Variants in UNC80 observed in about 807,000 individuals in gnomAD.
The protein encoded by UNC80 is unc-80 subunit of NALCN channel complex, also known as protein unc-80 homolog.
Under a neutral mutation model 384.6 loss-of-function variants are expected in UNC80, and 164 were observed. That is an observed-to-expected ratio of 0.43 (90% confidence interval 0.38 to 0.49). The LOEUF (loss-of-function observed/expected upper bound fraction) is 0.49, where lower values mean the gene tolerates loss of function less well. Among genes scored for constraint, UNC80 ranks in the 20% least tolerant of loss-of-function variants. UNC80 has a pLI of 0.00. For synonymous variants in UNC80, 1,486 were observed against 1,527.8 expected (o/e 0.97, Z 0.64); for missense variants, 3,330 against 4,143.0 (o/e 0.80, Z 5.39).
At position 209,973,125 on chromosome 2, in the gene UNC80, C is replaced by T. The variant is rs980226845; in HGVS notation, c.8442C>T (p.Leu2814=). 1.4e-5 allele frequency: 22 copies of T among 1,551,562 alleles called. 1 individual carries two copies. In the East Asian group the frequency reaches 4.4e-4, roughly 31 times the overall value. ...TGCTGCAGACAGTCATCAATGTACT[C>T]CTCCCACCGCGGATCATCAGCACAT... ...QLLLQTVINV[L]LPPRIISTSR... is the part of the protein sequence containing the mutation. Residue 2814 remains leucine (L), a synonymous_variant, in exon 56 of 65, where the codon CTC becomes CTT. Coordinates refer to ENST00000673920, the MANE Select transcript of UNC80 (RefSeq NM_001371986.1).
rs573522549 is a variant in UNC80, at chr2:209,820,621, G to C, written c.2273G>C (p.Gly758Ala). Residue 758 changes from glycine to alanine, a missense_variant, in exon 13 of 65, where the codon GGA (glycine) becomes GCA (alanine). By Grantham distance (60) the Gly-to-Ala change is moderately conservative. Around this residue, in one of 8 missense-constraint regions of UNC80, gnomAD observed 937 missense variants for 1,026.8 expected, o/e 0.91. Coordinates refer to ENST00000673920, the MANE Select transcript of UNC80 (RefSeq NM_001371986.1). ...GDGGGGGGDG[G>A]GGGGGGGGPY... ...GGAGGAGGTGGAGGAGGTGATGGAG[G>C]AGGAGGTGGAGGAGGTGGAGGCGGC... is the stretch of plus-strand genomic sequence containing the variant. 3.5e-5 allele frequency: 54 copies of C among 1,550,580 alleles called. 1 individual carries two copies. The South Asian group carries it at 6.1e-4, about 17-fold the overall frequency.
chr2:209,789,335 A>ATC, intron 5 of UNC80, among the ~76,000 whole-genome samples, 197 bp from the exon 6 acceptor site: 1 of 152,328 alleles, frequency 6.6e-6, no homozygotes, highest in Non-Finnish European at 1.5e-5. Context: ...AGAGATGAAT[A>ATC]TCTACATCAA....
At chr2:209,825,440 C>T (rs1448971642) in intron 13 of UNC80, among the ~76,000 whole-genome samples, 1 of 152,046 alleles carries the variant, frequency 6.6e-6, no homozygotes, top group African/African-American at 2.4e-5. Flanking sequence ...AAATAAAAGC[C>T]CTCAAAAATG....
intron 25 of UNC80, among the ~76,000 whole-genome samples, chr2:209,881,397 A>G (rs2085277641): frequency 6.6e-6 from 1 of 152,168 alleles, no homozygotes; most frequent in Admixed American, 6.5e-5. Context: ...CTCTGAAAAT[A>G]TGAGGAGTTT....
At chr2:209,822,858 G>T (rs2080239863) in intron 13 of UNC80, among the ~76,000 whole-genome samples, 1 of 152,048 alleles carries the variant, frequency 6.6e-6, no homozygotes, top group African/African-American at 2.4e-5. Flanking sequence ...TGATCAGTAT[G>T]GGATTTTTAA....
intron 60 of UNC80, 73 bp downstream of exon 60, chr2:209,982,390 A>G (rs1314959874): frequency 1.4e-6 from 2 of 1,439,936 alleles, no homozygotes; most frequent in Non-Finnish European, 1.8e-6. Flanking sequence ...CACTCCTGTT[A>G]TTCTACAAAG....
intron 47 of UNC80, among the ~76,000 whole-genome samples, chr2:209,953,547 C>T (rs77017694): frequency 0.024 from 3,624 of 152,146 alleles, 170 homozygotes; most frequent in African/African-American, 0.083. Flanking sequence ...TTCTGGCACC[C>T]CAATACTAAA....
intron 21 of UNC80, among the ~76,000 whole-genome samples, chr2:209,843,286 G>T (rs1372751864): frequency 6.6e-6 from 1 of 152,132 alleles, no homozygotes; most frequent in Non-Finnish European, 1.5e-5. Context: ...TGAAGTATAT[G>T]AACACAATTT....
intron 25 of UNC80, among the ~76,000 whole-genome samples, chr2:209,883,426 C>CTTTTT (rs35807077): frequency 1.2e-4 from 12 of 100,530 alleles, no homozygotes; most frequent in Admixed American, 2.3e-4. Flanking sequence ...CCATTCCACT[C>CTTTTT]TTTTTTTTTT....
chr2:209,978,773 G>T, intron 59 of UNC80, 65 bp downstream of exon 59: 2 of 1,377,248 alleles, frequency 1.5e-6, no homozygotes, highest in South Asian at 1.7e-5. Flanking sequence ...GGCTTGGGAA[G>T]GATTACTGCC....
At chr2:209,954,322 A>G (rs1050838422) in intron 48 of UNC80, 52 bp downstream of exon 48, 10 of 571,018 alleles carry the variant, frequency 1.8e-5, no homozygotes, top group East Asian at 6.6e-5. Flanking sequence ...GTTTCCACTG[A>G]AAAAAAAAAA....
chr2:209,964,833 T>C (rs879281895), intron 51 of UNC80, among the ~76,000 whole-genome samples: 1 of 150,638 alleles, frequency 6.6e-6, no homozygotes, highest in Non-Finnish European at 1.5e-5. Context: ...AATCGACATA[T>C]TAAAAGAGAC....
chr2:209,994,777 A>T (rs2093455001), intron 64 of UNC80, among the ~76,000 whole-genome samples: 1 of 152,236 alleles, frequency 6.6e-6, no homozygotes, highest in Non-Finnish European at 1.5e-5. Context: ...GATAAAGGAT[A>T]GCTGAAAGAT....
intron 47 of UNC80, among the ~76,000 whole-genome samples, chr2:209,948,750 G>A (rs1445288786): frequency 6.6e-6 from 1 of 152,076 alleles, no homozygotes. Flanking sequence ...GGGGTATGGA[G>A]GGGATTTCCA....
intron 21 of UNC80, among the ~76,000 whole-genome samples, chr2:209,847,071 T>C (rs911920913): frequency 6.6e-6 from 1 of 152,068 alleles, no homozygotes. Flanking sequence ...AGAGTGCAGG[T>C]TTGTGCACTC....
In UNC80 at chr2:209,945,945, T is replaced by G. The variant is rs190719638; in HGVS notation, c.7286+2T>G. 6.5e-7 allele frequency: 1 copy of G among 1,546,396 alleles called. No individual in the cohort carries two copies. Among genetic ancestry groups the G allele is most frequent in the Non-Finnish European group, 8.8e-7 (1 of 1,142,188 alleles). On this transcript the variant is annotated splice_donor_variant, in intron 47 of 64. Transcript: ENST00000673920. LOFTEE classifies it high-confidence loss of function. The stretch of plus-strand genomic sequence containing the variant: ...GTATGCTCCCGAATCATTCAGAAGG[T>G]ATCTGCAGCCCTTTATTCTGTGCCT...
At chr2:209,838,831 TAC>T (rs2081533335) in intron 18 of UNC80, among the ~76,000 whole-genome samples, 1 of 152,018 alleles carries the variant, frequency 6.6e-6, no homozygotes, top group South Asian at 2.1e-4. Flanking sequence ...TGTGGTGGCA[TAC>T]GCCTGTAGTC....
intron 6 of UNC80, among the ~76,000 whole-genome samples, 166 bp downstream of exon 6, chr2:209,789,771 AAATT>A (rs1280770860): frequency 1.3e-5 from 2 of 152,060 alleles, no homozygotes; most frequent in Admixed American, 1.3e-4. Flanking sequence ...AGTCGTATGA[AAATT>A]AATTTTCTGT....
chr2:209,851,993 A>G (rs1011561983), intron 22 of UNC80, among the ~76,000 whole-genome samples: 2 of 152,104 alleles, frequency 1.3e-5, no homozygotes, highest in Non-Finnish European at 1.5e-5. Context: ...GGTTGATCTC[A>G]TAAGTCTCAT....
Sources: gnomAD v4.1 joint callset for allele counts (sites outside exome capture counted in the v4.1 genomes callset) on GRCh38, gnomAD v4.1.1 for gene constraint, gnomAD v4.1.1 regional missense constraint, MANE v1.5 for transcripts, NCBI Gene and HGNC (gene_info 2026-07-23, HGNC 2026-07-21) for gene names.